Variants in MYO1E observed in about 807,000 individuals in gnomAD.
MYO1E encodes unconventional myosin-Ie.
MYO1E carries 68 observed loss-of-function variants against 151.1 expected under a neutral mutation model. That is an observed-to-expected ratio of 0.45 (90% CI 0.37 to 0.55). MYO1E has a LOEUF of 0.55. Ranked by LOEUF, MYO1E falls within the 20% of genes least tolerant of loss-of-function variation. MYO1E has a pLI of 0.00. For missense variants in MYO1E, 1,363 were observed against 1,389.3 expected (o/e 0.98, Z 0.30); for synonymous variants, 601 against 501.7 (o/e 1.20, Z -2.64).
chr15:59,233,336 T>C (rs1470869849), intron 5 of MYO1E, among the ~76,000 whole-genome samples: 7 of 151,994 alleles, frequency 4.6e-5, no homozygotes, highest in African/African-American at 1.7e-4. Flanking sequence ...GTGGCGGGCA[T>C]ATTAGGGAAA....
At chr15:59,180,993 C>T (rs1394340752) in intron 18 of MYO1E, among the ~76,000 whole-genome samples, 1 of 152,172 alleles carries the variant, frequency 6.6e-6, no homozygotes, top group Non-Finnish European at 1.5e-5. Context: ...TCTCTTGGAT[C>T]ACTGATCCCA....
Position 59,208,795 on chromosome 15 carries a change from C to A in MYO1E, c.1416G>T (p.Ala472=), listed in dbSNP as rs564899884. Residue 472 remains alanine, a synonymous_variant, in exon 14 of 28, where the codon GCG becomes GCT. Coordinates refer to ENST00000288235, the MANE Select transcript of MYO1E (RefSeq NM_004998.4). ...GCGTCTGATCTGCCCCCTCACCCAC[C>A]GCATGCATCGTGGCGCACACGTCAT... ...ILDDVCATMH[A]VGEGADQTLL... The A allele has an allele frequency of 5.6e-6, 9 of 1,614,236 alleles. No homozygotes were observed. The African/African-American group carries it at 9.3e-5, about 17-fold the overall frequency.
intron 6 of MYO1E, among the ~76,000 whole-genome samples, chr15:59,231,186 T>G (rs1167594824): frequency 6.6e-6 from 1 of 152,202 alleles, no homozygotes; most frequent in Non-Finnish European, 1.5e-5. Flanking sequence ...ATAAGACAGA[T>G]GCACAAAGCC....
chr15:59,214,100 G>T (rs970565340), intron 12 of MYO1E, 128 bp downstream of exon 12: 3 of 721,464 alleles, frequency 4.2e-6, no homozygotes, highest in Non-Finnish European at 6.9e-6. Flanking sequence ...TTTTCTGCCT[G>T]ACTTTATTAG....
intron 1 of MYO1E, among the ~76,000 whole-genome samples, chr15:59,300,927 G>T (rs1200936289): frequency 6.8e-6 from 1 of 146,280 alleles, no homozygotes; most frequent in Non-Finnish European, 1.5e-5. Flanking sequence ...GAGTGCACTG[G>T]CACCATGCCA....
intron 1 of MYO1E, among the ~76,000 whole-genome samples, chr15:59,285,160 A>T (rs2080379682): frequency 6.6e-6 from 1 of 152,288 alleles, no homozygotes. Context: ...ACTTGGGTAC[A>T]AGCTCTACCT....
chr15:59,283,897 A>C (rs561698162), intron 1 of MYO1E, among the ~76,000 whole-genome samples: 1 of 152,362 alleles, frequency 6.6e-6, no homozygotes, highest in East Asian at 1.9e-4. Context: ...ACTATGTGTC[A>C]CGTATCAACT....
chr15:59,247,222 A>G (rs912792155), intron 4 of MYO1E, among the ~76,000 whole-genome samples: 1 of 152,146 alleles, frequency 6.6e-6, no homozygotes, highest in African/African-American at 2.4e-5. Context: ...AAGCACCTGT[A>G]TTTGTGGGGA....
rs764182334 is a variant in MYO1E, at chr15:59,210,531, G to A, written c.1345C>T (p.Leu449Phe). The stretch of plus-strand genomic sequence containing the variant: ...ACACTTACCACTTTGTTCTCTATGA[G>A]GTCACATACGATTTTATTATTAAAG... ...EYFNNKIVCD[L>F]IENKVNPPGI... Residue 449 changes from leucine (L) to phenylalanine (F), a missense_variant, in exon 13 of 28, where the codon CTC becomes TTC. Coordinates refer to ENST00000288235, the MANE Select transcript of MYO1E (RefSeq NM_004998.4). The A allele has an allele frequency of 6.3e-7, 1 of 1,596,458 alleles. No homozygotes were observed. Among genetic ancestry groups the A allele is most frequent in the South Asian group, 1.1e-5 (1 of 90,682 alleles).
At chr15:59,372,261 A>C (rs939648243) in intron 1 of MYO1E, among the ~76,000 whole-genome samples, 1 of 152,222 alleles carries the variant, frequency 6.6e-6, no homozygotes, top group East Asian at 1.9e-4. Context: ...CCGGCCACAG[A>C]AAGTTTCGCG....
chr15:59,149,038 G>GTT (rs796601875), intron 26 of MYO1E, among the ~76,000 whole-genome samples: 17 of 89,582 alleles, frequency 1.9e-4, no homozygotes, highest in African/African-American at 4.1e-4. Context: ...TGGATGAACT[G>GTT]TTTTTTTTTT....
chr15:59,335,200 G>C (rs1358441081), intron 1 of MYO1E, among the ~76,000 whole-genome samples: 5 of 152,134 alleles, frequency 3.3e-5, no homozygotes. Context: ...TATTATTAAA[G>C]TGCAATTTTG....
Position 59,188,209 on chromosome 15 carries a change from G to C in MYO1E, c.1813C>G (p.His605Asp). 3 of 1,613,544 alleles carry C rather than the reference G, an allele frequency of 1.9e-6. No homozygotes were observed. Among genetic ancestry groups the C allele is most frequent in the Non-Finnish European group, 2.5e-6 (3 of 1,179,622 alleles). The change falls in exon 18 of 28, where the codon CAT becomes GAT. Residue 605 changes from histidine (H) to aspartate (D), a missense_variant. Transcript: ENST00000288235. ...PRDWEESRVK[H>D]QVEYLGLKEN... ...TTCAGACCCAAATATTCGACTTGAT[G>C]CTTTACCCTGTGCAAAGGAGAAAAT...
intron 26 of MYO1E, among the ~76,000 whole-genome samples, chr15:59,145,585 T>A (rs1415945008): frequency 2.0e-5 from 3 of 151,998 alleles, no homozygotes; most frequent in African/African-American, 7.2e-5. Flanking sequence ...AGAGATGGGG[T>A]TTCACCCTGT....
At chr15:59,148,329 A>G (rs1436663585) in intron 26 of MYO1E, among the ~76,000 whole-genome samples, 1 of 152,134 alleles carries the variant, frequency 6.6e-6, no homozygotes, top group Non-Finnish European at 1.5e-5. Context: ...TCTGCACTCT[A>G]AATGCCACCT....
chr15:59,205,600 G>T (rs2140336224), intron 14 of MYO1E, 115 bp from the exon 15 acceptor site: 1 of 917,170 alleles, frequency 1.1e-6, no homozygotes, highest in East Asian at 2.5e-5. Flanking sequence ...AAGCTGTCAT[G>T]GCTACCCTCA....
intron 1 of MYO1E, among the ~76,000 whole-genome samples, chr15:59,357,294 C>A (rs2080859877): frequency 6.6e-6 from 1 of 151,962 alleles, no homozygotes; most frequent in African/African-American, 2.4e-5. Flanking sequence ...AGAGGAGAGG[C>A]TGGGATACAA....
At chr15:59,353,143 C>T (rs535523464) in intron 1 of MYO1E, among the ~76,000 whole-genome samples, 1 of 152,078 alleles carries the variant, frequency 6.6e-6, no homozygotes, top group South Asian at 2.1e-4. Context: ...AACTACTGTC[C>T]TAGCACATTA....
intron 10 of MYO1E, among the ~76,000 whole-genome samples, 190 bp downstream of exon 10, chr15:59,217,701 G>GT (rs1461924897): frequency 4.0e-5 from 6 of 151,024 alleles, no homozygotes; most frequent in East Asian, 1.9e-4. Flanking sequence ...TAATTTTTGT[G>GT]TTTTTTTGTA....
Sources: gnomAD v4.1 joint callset for allele counts (sites outside exome capture counted in the v4.1 genomes callset) on GRCh38, gnomAD v4.1.1 for gene constraint, MANE v1.5 for transcripts, NCBI Gene and HGNC (gene_info 2026-07-23, HGNC 2026-07-21) for gene names.